The following MBP variants were observed in gnomAD, a reference collection of about 807,000 sequenced individuals.
MBP encodes the protein Golli-MBP.
A neutral mutation model predicts 35.8 loss-of-function variants in MBP; 16 were observed. That is an observed-to-expected ratio of 0.45 (90% CI 0.30 to 0.68). The LOEUF is 0.68. MBP is among the 30% of genes least tolerant of loss of function. The pLI, the probability that MBP is intolerant of heterozygous loss-of-function variation, is 0.08. For synonymous variants in MBP, 143 were observed against 159.6 expected (o/e 0.90, Z 0.78); for missense variants, 380 against 404.7 (o/e 0.94, Z 0.52).
chr18:77,048,112 C>A (rs1408538860), intron 3 of MBP, among the ~76,000 whole-genome samples: 4 of 152,180 alleles, frequency 2.6e-5, no homozygotes, highest in East Asian at 1.9e-4. Flanking sequence ...TCGTTTGACG[C>A]CCTTTTAATC....
chr18:77,066,585 A>G (rs1309741820), intron 2 of MBP, 200 bp from the exon 3 acceptor site: 1 of 753,062 alleles, frequency 1.3e-6, no homozygotes, highest in Admixed American at 1.7e-5. Flanking sequence ...TTCTCTGCCT[A>G]AGCACCTAAG....
At chr18:77,117,826 ATGGGGGTCAG>A (rs1410610553) in intron 1 of MBP, among the ~76,000 whole-genome samples, 12 of 27,002 alleles carry the variant, frequency 4.4e-4, no homozygotes, top group East Asian at 2.0e-3. Context: ...TTGGAGTGGG[ATGGGGGTCAG>A]TGGGTTGGAG....
chr18:76,988,712 G>T lies in MBP; in HGVS notation c.717+165C>A, dbSNP rs942067265. ...TGTGCAGGTGCGGGAGGGACAGGAG[G>T]GGTGCATGGATCTGCCGACCTGTTC... On this transcript the variant is annotated intron_variant, in intron 6 of 8. Transcript: ENST00000355994. The surrounding 1 kb of genome is among the most constrained non-coding windows in gnomAD (Gnocchi z 5.2). 25 of 1,336,476 alleles carry T rather than the reference G, an allele frequency of 1.9e-5. No individual in the cohort carries two copies. Among genetic ancestry groups the T allele is most frequent in the Middle Eastern group, 2.2e-4 (1 of 4,454 alleles). The allele number at this position is 1,336,476 out of a possible 1,614,324, so 82.8% of individuals were successfully genotyped here.
intron 3 of MBP, among the ~76,000 whole-genome samples, chr18:77,018,856 T>TCATC: frequency 1.0e-5 from 1 of 96,518 alleles, no homozygotes; most frequent in South Asian, 3.6e-4. Context: ...ATCCATCCAC[T>TCATC]CATCCATCTA....
chr18:77,010,460 G>A (rs1481495989), intron 4 of MBP, among the ~76,000 whole-genome samples: 6 of 152,216 alleles, frequency 3.9e-5, no homozygotes, highest in Non-Finnish European at 8.8e-5. Context: ...TGGATTTACA[G>A]GTTGAAACTT....
rs9199 is a variant in MBP at position 76,980,380 on chromosome 18, A to G, written c.*47T>C. 512,530 of 1,555,674 alleles carry G rather than the reference A, an allele frequency of 0.33. 86,000 individuals are homozygous for G. Among genetic ancestry groups the G allele is most frequent in the Admixed American group, 0.38 (23,037 of 59,928 alleles). ...GCAAGTGGGATTAAAGTTTTAAGGCAGTTATATTAAGAAGCTGAGGACAGG... is the reference window on the plus strand; with the variant it reads ...GCAAGTGGGATTAAAGTTTTAAGGCGGTTATATTAAGAAGCTGAGGACAGG... On this transcript the variant is annotated 3_prime_UTR_variant, in exon 9 of 9. Coordinates refer to ENST00000355994, the MANE Select transcript of MBP (RefSeq NM_001025101.2).
chr18:77,049,708 T>A (rs985985128), intron 3 of MBP, among the ~76,000 whole-genome samples: 1 of 152,024 alleles, frequency 6.6e-6, no homozygotes, highest in African/African-American at 2.4e-5. Context: ...TGAGATGGAG[T>A]CTCGCTCTGT....
At chr18:77,130,970 G>C (rs1977223117) in intron 1 of MBP, among the ~76,000 whole-genome samples, 1 of 149,534 alleles carries the variant, frequency 6.7e-6, no homozygotes, top group Non-Finnish European at 1.5e-5. Context: ...AGTTACTCCA[G>C]CATTTACAGC....
chr18:76,988,267 C>A lies in MBP; in HGVS notation c.750+228G>T, dbSNP rs182629126. ...GAGAAGAGGATCTGGCCTTGCAGGG[C>A]TGGGTCCCCGGCACAGAAGCAAGAG... is the stretch of plus-strand genomic sequence containing the variant. On this transcript the variant is annotated intron_variant, in intron 7 of 8. Transcript: ENST00000355994. The surrounding 1 kb of genome is among the most constrained non-coding windows in gnomAD (Gnocchi z 5.2). The A allele has an allele frequency of 6.4e-7, 1 of 1,550,806 alleles. No individual in the cohort carries two copies. Among genetic ancestry groups the A allele is most frequent in the East Asian group, 2.4e-5 (1 of 40,914 alleles).
chr18:77,066,266 G>C, intron 3 of MBP, 32 bp downstream of exon 3: 5 of 1,545,380 alleles, frequency 3.2e-6, no homozygotes, highest in Non-Finnish European at 4.5e-6. Flanking sequence ...GTCACCATGT[G>C]GCGCCATGTT....
chr18:77,016,414 T>C (rs1276952803), intron 4 of MBP: 1 of 1,014,258 alleles, frequency 9.9e-7, no homozygotes, highest in Non-Finnish European at 1.2e-6. Flanking sequence ...CAGCACTGAC[T>C]CCAGGAAAAA....
chr18:76,996,772 C>G (rs1970293643), intron 4 of MBP, among the ~76,000 whole-genome samples: 1 of 152,090 alleles, frequency 6.6e-6, no homozygotes, highest in Non-Finnish European at 1.5e-5. Context: ...GGGTTGTGTC[C>G]TTATTATGGC....
At chr18:77,128,742 T>C (rs1381997222) in intron 1 of MBP, among the ~76,000 whole-genome samples, 1 of 152,194 alleles carries the variant, frequency 6.6e-6, no homozygotes, top group Non-Finnish European at 1.5e-5. Context: ...TTTTACTACA[T>C]TGCTTCAGTG....
At chr18:77,095,907 CAA>C (rs1286552558) in intron 2 of MBP, among the ~76,000 whole-genome samples, 2 of 152,338 alleles carry the variant, frequency 1.3e-5, no homozygotes, top group African/African-American at 4.8e-5. Context: ...TCAGCAAAAA[CAA>C]AGTTTACGCT....
chr18:77,079,499 G>C (rs1974803145), intron 2 of MBP, among the ~76,000 whole-genome samples: 1 of 152,170 alleles, frequency 6.6e-6, no homozygotes, highest in African/African-American at 2.4e-5. Context: ...TTTCCTTACT[G>C]GGTAATGAGA....
rs546020430 is a variant in MBP, at chr18:77,044,566, C to T, written c.139+21732G>A. Among the ~76,000 whole-genome samples, 1 of 152,218 alleles carries T rather than the reference C, an allele frequency of 6.6e-6. No individual in the cohort carries two copies. Among genetic ancestry groups the T allele is most frequent in the African/African-American group, 2.4e-5 (1 of 41,550 alleles). On this transcript the variant is annotated intron_variant, in intron 3 of 8. Coordinates refer to ENST00000355994, the MANE Select transcript of MBP (RefSeq NM_001025101.2). The surrounding 1 kb of genome is among the most constrained non-coding windows in gnomAD (Gnocchi z 4.4). ...CTCGGCCTCGCTGTCTCACATCACTCGCCTCCCTACCCCACCTCCCTCCTC... is the reference window on the plus strand; with the variant it reads ...CTCGGCCTCGCTGTCTCACATCACTTGCCTCCCTACCCCACCTCCCTCCTC...
intron 2 of MBP, among the ~76,000 whole-genome samples, chr18:77,104,579 T>A (rs1170377742): frequency 6.6e-6 from 1 of 151,944 alleles, no homozygotes; most frequent in Non-Finnish European, 1.5e-5. Flanking sequence ...AAGAAAGGAG[T>A]GGGACCTTCG....
intron 3 of MBP, among the ~76,000 whole-genome samples, chr18:77,064,763 C>G (rs1412397893): frequency 2.0e-5 from 3 of 152,174 alleles, no homozygotes; most frequent in East Asian, 1.9e-4. Flanking sequence ...GGCCAGGAAG[C>G]CTGTTTGCCT....
At chr18:77,014,007 C>T in intron 4 of MBP, 2 of 985,386 alleles carry the variant, frequency 2.0e-6, no homozygotes, top group Non-Finnish European at 2.4e-6. Flanking sequence ...CAATCTTGGC[C>T]CTAAGTGCTC....
Sources: gnomAD v4.1 joint callset for allele counts (sites outside exome capture counted in the v4.1 genomes callset) on GRCh38, gnomAD v4.1.1 for gene constraint, Gnocchi (gnomAD v3.1) non-coding constraint, MANE v1.5 for transcripts, NCBI Gene and HGNC (gene_info 2026-07-23, HGNC 2026-07-21) for gene names.